ETV6: variants seen among roughly 807,000 people sequenced by gnomAD.
ETV6 encodes the protein transcription factor ETV6.
Under a neutral mutation model 51.1 loss-of-function variants are expected in ETV6, and 16 were observed. The ratio of observed to expected loss-of-function variants is 0.31; its 90% CI spans 0.21 to 0.48. The LOEUF is 0.48. Among genes scored for constraint, ETV6 ranks in the 20% least tolerant of loss-of-function variants. The pLI is 0.99. For synonymous variants in ETV6, 240 were observed against 224.1 expected (o/e 1.07, Z -0.64); for missense variants, 458 against 594.8 (o/e 0.77, Z 2.39).
chr12:11,853,682 T>C lies in ETV6; in HGVS notation c.463+121T>C, dbSNP rs575250339. 1.6e-5 allele frequency: 18 copies of C among 1,140,298 alleles called. No homozygotes were observed. In the South Asian group the frequency reaches 2.6e-4, roughly 17 times the overall value. The allele number at this position is 1,140,298 out of a possible 1,614,324, so 70.6% of individuals were successfully genotyped here. A position where few individuals can be genotyped will look rare whatever the true frequency, so the allele number is the denominator to read the frequency against. ...CACTTTTCATTCAGTAGACAATTAT[T>C]GAGTGCTTACTATGTACAAAATACA... On this transcript the variant is annotated intron_variant, in intron 4 of 7. Transcript: ENST00000396373.
At chr12:11,651,176 C>G (rs765432578) in intron 1 of ETV6, among the ~76,000 whole-genome samples, 5 of 152,226 alleles carry the variant, frequency 3.3e-5, no homozygotes, top group Admixed American at 3.3e-4. Flanking sequence ...AGGTAGAAAG[C>G]CTTCCGCTCT....
At chr12:11,778,995 T>C (rs1038133723) in intron 2 of ETV6, among the ~76,000 whole-genome samples, 2 of 152,246 alleles carry the variant, frequency 1.3e-5, no homozygotes, top group Non-Finnish European at 2.9e-5. Flanking sequence ...CAGATTTACA[T>C]TGTAAGTAGA....
intron 1 of ETV6, among the ~76,000 whole-genome samples, chr12:11,657,528 A>G (rs949407856): frequency 6.6e-6 from 1 of 152,268 alleles, no homozygotes; most frequent in Non-Finnish European, 1.5e-5. Flanking sequence ...AATAATGTTA[A>G]GTTTTAAAAG....
chr12:11,797,747 G>A (rs747434715), intron 2 of ETV6, among the ~76,000 whole-genome samples: 3 of 152,198 alleles, frequency 2.0e-5, no homozygotes, highest in East Asian at 1.9e-4. Context: ...GTTCTGGGCC[G>A]TAGGGGCAGA....
intron 1 of ETV6, among the ~76,000 whole-genome samples, chr12:11,738,729 A>G (rs1746262520): frequency 6.6e-6 from 1 of 152,134 alleles, no homozygotes. Context: ...TTTGTAAAGA[A>G]CTTCCATTTT....
chr12:11,734,801 C>T (rs1263880472), intron 1 of ETV6, among the ~76,000 whole-genome samples: 3 of 152,170 alleles, frequency 2.0e-5, no homozygotes, highest in East Asian at 1.9e-4. Flanking sequence ...ACAGTAAGTG[C>T]TAGAGCCAAG....
chr12:11,802,106 AG>A (rs1388655817), intron 2 of ETV6, among the ~76,000 whole-genome samples: 3 of 152,222 alleles, frequency 2.0e-5, no homozygotes, highest in African/African-American at 7.2e-5. Flanking sequence ...CCTGTTGGTT[AG>A]GCCACTGCCG....
Position 11,892,436 on chromosome 12 carries a change from T to TAAG in ETV6, c.*1392_*1394dup, listed in dbSNP as rs1337522529. The TAAG allele has an allele frequency of 4.3e-6, 1 of 232,906 alleles. No homozygotes were observed. Among genetic ancestry groups the TAAG allele is most frequent in the East Asian group, 6.0e-5 (1 of 16,592 alleles). 14.4% of individuals were successfully genotyped at this position (232,906 alleles called of 1,614,324 possible). Reference sequence around the variant, plus strand: ...TTTGTGGCTCTTTTTCACCTCAAAATAAGATCGATGGTATCTTGTAAAATG... The same window carrying TAAG: ...TTTGTGGCTCTTTTTCACCTCAAAATAAGAAGATCGATGGTATCTTGTAAAATG... On this transcript the variant is annotated 3_prime_UTR_variant, in exon 8 of 8. Coordinates refer to ENST00000396373, the MANE Select transcript of ETV6 (RefSeq NM_001987.5).
At chr12:11,750,792 CTTTTTTTT>C (rs6144613) in intron 1 of ETV6, 62 of 369,892 alleles carry the variant, frequency 1.7e-4, no homozygotes, top group Middle Eastern at 5.8e-4. Context: ...TATGTGTGGG[CTTTTTTTT>C]TTTTTTTTTT....
intron 2 of ETV6, among the ~76,000 whole-genome samples, chr12:11,830,851 A>G (rs1004836091): frequency 3.9e-5 from 6 of 152,268 alleles, no homozygotes; most frequent in African/African-American, 9.6e-5. Flanking sequence ...ATTTGCACTC[A>G]AATCTGACAA....
At chr12:11,821,415 G>T (rs1377963175) in intron 2 of ETV6, among the ~76,000 whole-genome samples, 1 of 152,114 alleles carries the variant, frequency 6.6e-6, no homozygotes, top group Non-Finnish European at 1.5e-5. Context: ...AAGGTGTGGG[G>T]CCTTGGCCAC....
intron 1 of ETV6, among the ~76,000 whole-genome samples, chr12:11,714,791 G>A (rs1386233140): frequency 6.6e-6 from 1 of 152,150 alleles, no homozygotes; most frequent in Non-Finnish European, 1.5e-5. Flanking sequence ...GCAGGGGCAT[G>A]TGAGTTGCGT....
intron 2 of ETV6, among the ~76,000 whole-genome samples, chr12:11,770,837 C>T (rs1205434570): frequency 1.3e-5 from 2 of 151,940 alleles, no homozygotes; most frequent in Non-Finnish European, 2.9e-5. Flanking sequence ...GAGTTCAAGG[C>T]TGCAGTGAGC....
chr12:11,743,742 T>G (rs2121030812), intron 1 of ETV6, among the ~76,000 whole-genome samples: 1 of 152,318 alleles, frequency 6.6e-6, no homozygotes, highest in African/African-American at 2.4e-5. Flanking sequence ...CTTTCTAGTT[T>G]TGAAGGAGGT....
intron 2 of ETV6, among the ~76,000 whole-genome samples, chr12:11,781,959 A>T (rs566880043): frequency 9.2e-5 from 14 of 152,376 alleles, no homozygotes; most frequent in African/African-American, 3.4e-4. Context: ...TTAAAACTAT[A>T]AAGTTAACTT....
intron 1 of ETV6, among the ~76,000 whole-genome samples, chr12:11,680,861 T>G (rs1472147422): frequency 6.6e-6 from 1 of 152,228 alleles, no homozygotes; most frequent in Non-Finnish European, 1.5e-5. Context: ...AGACCTTTTA[T>G]TTCAGATTCA....
At chr12:11,839,363 G>C in intron 3 of ETV6, 59 bp downstream of exon 3, 3 of 1,531,056 alleles carry the variant, frequency 2.0e-6, no homozygotes, top group Non-Finnish European at 2.7e-6. Context: ...TTAGTGGTTG[G>C]TCTTTAACAC....
At chr12:11,812,623 G>A (rs962692365) in intron 2 of ETV6, among the ~76,000 whole-genome samples, 8 of 152,040 alleles carry the variant, frequency 5.3e-5, no homozygotes, top group African/African-American at 1.2e-4. Flanking sequence ...TACCAGAGGC[G>A]GGTCTCTTCT....
intron 1 of ETV6, chr12:11,751,253 G>A: frequency 2.0e-6 from 1 of 487,882 alleles, no homozygotes; most frequent in Non-Finnish European, 4.1e-6. Flanking sequence ...TTGCACATTT[G>A]ATGAGATGTA....
Sources: gnomAD v4.1 joint callset for allele counts (sites outside exome capture counted in the v4.1 genomes callset) on GRCh38, gnomAD v4.1.1 for gene constraint, MANE v1.5 for transcripts, NCBI Gene and HGNC (gene_info 2026-07-23, HGNC 2026-07-21) for gene names.